TYW1: variants seen among roughly 807,000 people sequenced by gnomAD.
TYW1 encodes tRNA-yW synthesizing protein 1 homolog.
Under a neutral mutation model 96.2 loss-of-function variants are expected in TYW1, and 46 were observed. That is an observed-to-expected ratio of 0.48 (90% CI 0.38 to 0.61). The LOEUF is 0.61. TYW1 is among the 20% of genes least tolerant of loss of function. The probability of loss-of-function intolerance (pLI) is 0.00; values close to 1 mark genes in which losing one functional copy is unlikely to be tolerated. For missense variants in TYW1, 684 were observed against 909.6 expected (o/e 0.75, Z 3.19); for synonymous variants, 274 against 323.0 (o/e 0.85, Z 1.63).
chr7:67,096,482 G>A (rs1292401252), intron 11 of TYW1, among the ~76,000 whole-genome samples: 3 of 152,126 alleles, frequency 2.0e-5, no homozygotes, highest in African/African-American at 7.2e-5. Context: ...GCTCCATGAG[G>A]AATCCCTATC....
chr7:67,087,797 G>T (rs1796595183), intron 11 of TYW1, among the ~76,000 whole-genome samples: 1 of 152,090 alleles, frequency 6.6e-6, no homozygotes, highest in Non-Finnish European at 1.5e-5. Context: ...GGTGCGGAGG[G>T]TGTAGATGGG....
At chr7:67,219,353 C>T (rs1801306665) in intron 15 of TYW1, among the ~76,000 whole-genome samples, 2 of 152,022 alleles carry the variant, frequency 1.3e-5, no homozygotes, top group Admixed American at 1.3e-4. Flanking sequence ...AGTTTTCTTC[C>T]AGTACGATCT....
intron 10 of TYW1, among the ~76,000 whole-genome samples, chr7:67,082,999 C>G (rs2115770961): frequency 6.6e-6 from 1 of 152,124 alleles, no homozygotes; most frequent in South Asian, 2.1e-4. Context: ...TTCCCCAGGC[C>G]TGCATCAGGA....
intron 11 of TYW1, among the ~76,000 whole-genome samples, chr7:67,094,021 C>A (rs956518976): frequency 2.0e-5 from 3 of 152,106 alleles, no homozygotes; most frequent in Non-Finnish European, 4.4e-5. Flanking sequence ...TTTGGAGTCT[C>A]TAGTCTCTAT....
At chr7:67,076,528 TG>T (rs1224639349) in intron 10 of TYW1, among the ~76,000 whole-genome samples, 15 of 151,928 alleles carry the variant, frequency 9.9e-5, no homozygotes, top group African/African-American at 3.4e-4. Flanking sequence ...CAGGCTGGAG[TG>T]CAGTGGCCTG....
intron 13 of TYW1, among the ~76,000 whole-genome samples, chr7:67,174,088 C>T (rs1373498828): frequency 1.4e-5 from 2 of 147,420 alleles, no homozygotes; most frequent in Non-Finnish European, 3.0e-5. Context: ...TGTTTGATAA[C>T]CAAGATGTCT....
intron 6 of TYW1, among the ~76,000 whole-genome samples, chr7:67,020,905 G>A (rs565431789): frequency 5.9e-5 from 9 of 152,268 alleles, no homozygotes; most frequent in Non-Finnish European, 1.2e-4. Context: ...GCAGGCACCT[G>A]TAATCCCAGC....
chr7:67,039,686 A>G (rs1192960611), intron 7 of TYW1, among the ~76,000 whole-genome samples: 1 of 150,310 alleles, frequency 6.7e-6, no homozygotes. Flanking sequence ...TTTTTTTGAG[A>G]CAGAGTCTCA....
intron 13 of TYW1, among the ~76,000 whole-genome samples, chr7:67,160,676 C>G (rs749549622): frequency 6.6e-6 from 1 of 150,422 alleles, no homozygotes; most frequent in South Asian, 2.1e-4. Context: ...ACTACCACCT[C>G]TGCCTCCCGG....
chr7:67,090,714 G>A (rs1796688029), intron 11 of TYW1, among the ~76,000 whole-genome samples: 1 of 152,204 alleles, frequency 6.6e-6, no homozygotes, highest in Non-Finnish European at 1.5e-5. Context: ...GTGTGTGTGT[G>A]TGAGTGTCAG....
chr7:67,080,940 G>GTT (rs71049495), intron 10 of TYW1, among the ~76,000 whole-genome samples: 21 of 37,250 alleles, frequency 5.6e-4, no homozygotes, highest in East Asian at 9.0e-4. Flanking sequence ...CTTTCTTACT[G>GTT]TTTTTTTTTT....
chr7:67,114,926 C>A (rs1421069100), intron 12 of TYW1, among the ~76,000 whole-genome samples: 1 of 152,046 alleles, frequency 6.6e-6, no homozygotes, highest in African/African-American at 2.4e-5. Flanking sequence ...CTGTAGACTT[C>A]CTTGAGTGCA....
At chr7:67,169,997 T>A (rs548682967) in intron 13 of TYW1, among the ~76,000 whole-genome samples, 1 of 152,326 alleles carries the variant, frequency 6.6e-6, no homozygotes, top group African/African-American at 2.4e-5. Flanking sequence ...TTCCTCCTTC[T>A]GTTGCTTATG....
intron 13 of TYW1, among the ~76,000 whole-genome samples, chr7:67,132,298 T>C (rs1348274261): frequency 6.6e-6 from 1 of 151,294 alleles, no homozygotes; most frequent in African/African-American, 2.4e-5. Context: ...TTTGTAGAGA[T>C]ATGGTCTCAC....
intron 11 of TYW1, among the ~76,000 whole-genome samples, chr7:67,095,703 AG>A: frequency 1.7e-5 from 2 of 120,142 alleles, no homozygotes; most frequent in East Asian, 2.1e-4. Flanking sequence ...CAACAACAGC[AG>A]CAGCAGCAGC....
At chr7:67,145,305 C>T (rs1429927416) in intron 13 of TYW1, among the ~76,000 whole-genome samples, 8 of 151,496 alleles carry the variant, frequency 5.3e-5, no homozygotes, top group South Asian at 2.1e-4. Flanking sequence ...CCCGCCAGCA[C>T]GCCCGGCTAA....
chr7:67,203,159 G>A (rs568215055), intron 15 of TYW1, among the ~76,000 whole-genome samples: 1 of 152,270 alleles, frequency 6.6e-6, no homozygotes. Context: ...AGCCTCTGGC[G>A]ACCGCTAATC....
chr7:67,055,530 C>G (rs1795479742), intron 8 of TYW1, among the ~76,000 whole-genome samples: 1 of 150,512 alleles, frequency 6.6e-6, no homozygotes, highest in Non-Finnish European at 1.5e-5. Context: ...ACCCAGGAGG[C>G]AGAGGCTGCA....
At chr7:67,145,567 C>T (rs1016967428) in intron 13 of TYW1, among the ~76,000 whole-genome samples, 4 of 152,140 alleles carry the variant, frequency 2.6e-5, no homozygotes, top group African/African-American at 9.7e-5. Context: ...TTGGTGCTCT[C>T]AGCTAGGAGA....
Sources: gnomAD v4.1 joint callset for allele counts (sites outside exome capture counted in the v4.1 genomes callset) on GRCh38, gnomAD v4.1.1 for gene constraint, MANE v1.5 for transcripts, NCBI Gene and HGNC (gene_info 2026-07-23, HGNC 2026-07-21) for gene names.